The following TTC8 variants were observed in gnomAD, a reference collection of about 807,000 sequenced individuals.
The protein encoded by TTC8 is tetratricopeptide repeat domain 8.
TTC8 carries 47 observed loss-of-function variants against 72.5 expected under a neutral mutation model. That is an observed-to-expected ratio of 0.65 (90% confidence interval 0.51 to 0.83). The LOEUF (loss-of-function observed/expected upper bound fraction) is 0.83. Among genes scored for constraint, TTC8 ranks in the 40% least tolerant of loss-of-function variants. The pLI, the probability that TTC8 is intolerant of heterozygous loss-of-function variation, is 0.00. For synonymous variants in TTC8, 199 were observed against 221.4 expected (o/e 0.90, Z 0.90); for missense variants, 611 against 623.2 (o/e 0.98, Z 0.21).
intron 9 of TTC8, among the ~76,000 whole-genome samples, chr14:88,859,059 A>G (rs1192869504): frequency 6.6e-6 from 1 of 152,166 alleles, no homozygotes; most frequent in African/African-American, 2.4e-5. Flanking sequence ...TGTTAAATAC[A>G]TGGCTTCACC....
At chr14:88,875,911 C>T (rs1397740370) in intron 14 of TTC8, among the ~76,000 whole-genome samples, 1 of 152,264 alleles carries the variant, frequency 6.6e-6, no homozygotes, top group Non-Finnish European at 1.5e-5. Flanking sequence ...CCAACTACCC[C>T]GCCTTCCTCA....
chr14:88,869,924 G>A (rs1468657432), intron 10 of TTC8, 135 bp from the exon 11 acceptor site: 2 of 854,424 alleles, frequency 2.3e-6, no homozygotes, highest in Non-Finnish European at 3.7e-6. Flanking sequence ...TATCCCCAGG[G>A]TCTAGAATGG....
chr14:88,856,388 A>G (rs1388370978), intron 8 of TTC8, among the ~76,000 whole-genome samples: 2 of 152,222 alleles, frequency 1.3e-5, no homozygotes, highest in East Asian at 3.8e-4. Context: ...AGCATACTGT[A>G]TATCATTTTG....
chr14:88,877,303 C>T lies in TTC8; in HGVS notation c.1441C>T (p.Leu481=). The change falls in exon 15 of 15, where the codon CTG becomes TTG. Residue 481 remains leucine (L), a synonymous_variant. Transcript: ENST00000380656. ...CTTGTATTTTTTGCAGATTGGAGAT[C>T]TGCAGAGAAGCTATGTTGCTGCGCA... ...FATISDKIGD[L]QRSYVAAQKS... 6.2e-7 allele frequency: 1 copy of T among 1,613,348 alleles called. No individual in the cohort carries two copies. Among genetic ancestry groups the T allele is most frequent in the South Asian group, 1.1e-5 (1 of 91,054 alleles).
intron 2 of TTC8, among the ~76,000 whole-genome samples, chr14:88,834,296 T>C (rs1173257215): frequency 3.3e-5 from 5 of 152,108 alleles, no homozygotes; most frequent in Admixed American, 2.0e-4. Flanking sequence ...GAGAATGAAT[T>C]GGGAGGAAAC....
intron 13 of TTC8, 102 bp downstream of exon 13, chr14:88,872,554 A>G: frequency 6.6e-7 from 1 of 1,514,292 alleles, no homozygotes; most frequent in Non-Finnish European, 9.0e-7. Context: ...AATGAGCTCT[A>G]GAATCTGACA....
At chr14:88,860,898 G>A (rs985464555) in intron 9 of TTC8, among the ~76,000 whole-genome samples, 1 of 151,242 alleles carries the variant, frequency 6.6e-6, no homozygotes, top group African/African-American at 2.4e-5. Flanking sequence ...TGACCTCCCA[G>A]GCTCTAGTGA....
At chr14:88,862,594 A>T (rs1313192435) in intron 10 of TTC8, among the ~76,000 whole-genome samples, 5 of 79,264 alleles carry the variant, frequency 6.3e-5, no homozygotes, top group South Asian at 9.0e-4. Flanking sequence ...ATATATATAT[A>T]TATTTAGAGA....
At chr14:88,828,950 T>G (rs1256555695) in intron 1 of TTC8, among the ~76,000 whole-genome samples, 1 of 152,244 alleles carries the variant, frequency 6.6e-6, no homozygotes, top group Admixed American at 6.5e-5. Flanking sequence ...AGAGGTATGA[T>G]GTACTATGCA....
chr14:88,837,199 C>T (rs1242909616), intron 2 of TTC8: 1 of 158,042 alleles, frequency 6.3e-6, no homozygotes, highest in Non-Finnish European at 1.4e-5. Flanking sequence ...TCACCTGGCT[C>T]CTGACTTTTT....
intron 2 of TTC8, 93 bp downstream of exon 2, chr14:88,833,815 C>T: frequency 8.8e-7 from 1 of 1,142,630 alleles, no homozygotes; most frequent in Non-Finnish European, 1.3e-6. Context: ...TGCTGCATAT[C>T]TTCCTGTGGG....
chr14:88,850,465 G>T (rs2094828435), intron 7 of TTC8, among the ~76,000 whole-genome samples: 1 of 152,186 alleles, frequency 6.6e-6, no homozygotes, highest in African/African-American at 2.4e-5. Context: ...GAGGCAGGCG[G>T]ATCAACTTGA....
chr14:88,843,688 A>G (rs1307103932), intron 6 of TTC8, 118 bp from the exon 7 acceptor site: 1 of 652,672 alleles, frequency 1.5e-6, no homozygotes, highest in East Asian at 2.8e-5. Context: ...AAAATGAGTG[A>G]TAGTAACAAA....
chr14:88,862,175 G>T (rs535078351), intron 10 of TTC8, among the ~76,000 whole-genome samples: 2 of 151,772 alleles, frequency 1.3e-5, no homozygotes, highest in Non-Finnish European at 2.9e-5. Flanking sequence ...GATGATAGCC[G>T]TTCTAACTGG....
chr14:88,858,904 C>T (rs929863228), intron 9 of TTC8, among the ~76,000 whole-genome samples: 1 of 151,664 alleles, frequency 6.6e-6, no homozygotes. Context: ...GCCCAGCTTA[C>T]ACTTAAAGTC....
intron 9 of TTC8, among the ~76,000 whole-genome samples, chr14:88,860,383 G>T (rs2094879979): frequency 6.6e-6 from 1 of 152,232 alleles, no homozygotes; most frequent in South Asian, 2.1e-4. Context: ...TAAGTATATG[G>T]TTTACTCATG....
At chr14:88,880,980 A>G (rs2094970594), downstream of TTC8, 1 of 152,222 alleles carries the variant, frequency 6.6e-6, no homozygotes, top group African/African-American at 2.4e-5. Flanking sequence ...AATGTTTATT[A>G]TATATGAGGT....
chr14:88,868,355 A>C (rs183156377), intron 10 of TTC8, among the ~76,000 whole-genome samples: 14 of 152,350 alleles, frequency 9.2e-5, no homozygotes, highest in Admixed American at 7.8e-4. Flanking sequence ...TAACTTACAT[A>C]AACAAAACTT....
chr14:88,839,651 C>T (rs994463018), intron 3 of TTC8, 79 bp downstream of exon 3: 27 of 1,422,470 alleles, frequency 1.9e-5, no homozygotes, highest in Non-Finnish European at 4.9e-6. Flanking sequence ...ATATATATGC[C>T]TATATATTTC....
Sources: gnomAD v4.1 joint callset for allele counts (sites outside exome capture counted in the v4.1 genomes callset) on GRCh38, gnomAD v4.1.1 for gene constraint, MANE v1.5 for transcripts, NCBI Gene and HGNC (gene_info 2026-07-23, HGNC 2026-07-21) for gene names.